Variants in EPHA6 observed in about 807,000 individuals in gnomAD.
The protein encoded by EPHA6 is ephrin type-A receptor 6.
EPHA6 carries 50 observed loss-of-function variants against 112.0 expected under a neutral mutation model. The ratio of observed to expected loss-of-function variants is 0.45; its 90% CI spans 0.36 to 0.56. The LOEUF is 0.56. Ranked by LOEUF, EPHA6 falls within the 20% of genes least tolerant of loss-of-function variation. The pLI is 0.00. For synonymous variants in EPHA6, 529 were observed against 490.7 expected (o/e 1.08, Z -1.03); for missense variants, 1,280 against 1,417.4 (o/e 0.90, Z 1.56).
intron 2 of EPHA6, among the ~76,000 whole-genome samples, chr3:96,966,752 C>T (rs900820578): frequency 1.3e-5 from 2 of 152,030 alleles, no homozygotes; most frequent in African/African-American, 4.8e-5. Context: ...TTTATGCTCA[C>T]ACAAGGAAAG....
chr3:97,529,182 A>G (rs2092666586), intron 10 of EPHA6, among the ~76,000 whole-genome samples: 1 of 152,148 alleles, frequency 6.6e-6, no homozygotes, highest in Admixed American at 6.6e-5. Context: ...AATAATGGTT[A>G]CAAGCATGGA....
chr3:97,158,477 C>G (rs1191225421), intron 3 of EPHA6, among the ~76,000 whole-genome samples: 1 of 152,110 alleles, frequency 6.6e-6, no homozygotes, highest in Non-Finnish European at 1.5e-5. Context: ...AATGATGAGA[C>G]AAGTCTTAAT....
At chr3:97,702,268 T>C (rs2033439016) in intron 14 of EPHA6, among the ~76,000 whole-genome samples, 1 of 152,210 alleles carries the variant, frequency 6.6e-6, no homozygotes, top group African/African-American at 2.4e-5. Context: ...AATAAAGAAC[T>C]TTTTTCTCCT....
At chr3:97,448,376 A>G (rs993018422) in intron 6 of EPHA6, among the ~76,000 whole-genome samples, 192 bp from the exon 7 acceptor site, 1 of 152,176 alleles carries the variant, frequency 6.6e-6, no homozygotes, top group Non-Finnish European at 1.5e-5. Flanking sequence ...AAATTTCCAA[A>G]TAGGACCATA....
chr3:97,149,146 C>A (rs899879006), intron 3 of EPHA6, among the ~76,000 whole-genome samples: 1 of 152,086 alleles, frequency 6.6e-6, no homozygotes. Flanking sequence ...GGCTTGCTTT[C>A]TCTGGCCCAT....
At chr3:97,185,194 C>T (rs1270497970) in intron 3 of EPHA6, among the ~76,000 whole-genome samples, 1 of 152,172 alleles carries the variant, frequency 6.6e-6, no homozygotes, top group East Asian at 1.9e-4. Flanking sequence ...GCAATGGCAA[C>T]AGAAGCCAAA....
At chr3:96,943,732 A>G (rs1156676985) in intron 2 of EPHA6, among the ~76,000 whole-genome samples, 1 of 152,156 alleles carries the variant, frequency 6.6e-6, no homozygotes, top group Non-Finnish European at 1.5e-5. Context: ...GGTGTTGATT[A>G]CTGTAGTCCC....
rs10576183 is a variant in EPHA6 at position 97,701,618 on chromosome 3, G to GTA, written c.2785-18628_2785-18627dup. On this transcript the variant is annotated intron_variant, in intron 14 of 17. Coordinates refer to ENST00000389672, the MANE Select transcript of EPHA6 (RefSeq NM_001080448.3). ...ATCATGGATTATGGGTCATATATAT[G>GTA]TATATATATATATATAATATCATTT... Among the ~76,000 whole-genome samples, 929 of 148,128 alleles carry GTA rather than the reference G, an allele frequency of 6.3e-3. 5 individuals are homozygous for GTA. Among genetic ancestry groups the GTA allele is most frequent in the South Asian group, 0.016 (76 of 4,640 alleles).
chr3:97,178,280 T>A (rs958397559), intron 3 of EPHA6, among the ~76,000 whole-genome samples: 2 of 152,128 alleles, frequency 1.3e-5, no homozygotes, highest in Admixed American at 1.3e-4. Flanking sequence ...TTGTTGTTTC[T>A]ATTTATATCT....
intron 3 of EPHA6, among the ~76,000 whole-genome samples, chr3:97,067,537 AATAT>A (rs10544034): frequency 2.7e-5 from 4 of 148,052 alleles, no homozygotes; most frequent in Admixed American, 1.4e-4. Flanking sequence ...TTATCAGGAA[AATAT>A]ATATATATAT....
At position 97,089,445 on chromosome 3, in the gene EPHA6, G is replaced by A. The variant is rs138775665; in HGVS notation, c.1114+101452G>A. Reference sequence around the variant, plus strand: ...ATTTTTTCTGATGGTGTATCTTTCTGTATTCTTTCTGTAATCTTTCTGATG... The same window carrying A: ...ATTTTTTCTGATGGTGTATCTTTCTATATTCTTTCTGTAATCTTTCTGATG... On this transcript the variant is annotated intron_variant, in intron 3 of 17. Coordinates refer to ENST00000389672, the MANE Select transcript of EPHA6 (RefSeq NM_001080448.3). 2.7e-3 allele frequency among the ~76,000 whole-genome samples: 409 copies of A among 152,040 alleles called. 3 individuals carry two copies. The highest frequency in any genetic ancestry group is 9.1e-3 in the African/African-American group (376 of 41,488).
intron 11 of EPHA6, among the ~76,000 whole-genome samples, chr3:97,577,380 T>C (rs2093396507): frequency 6.6e-6 from 1 of 152,200 alleles, no homozygotes. Context: ...CTATTGAAGA[T>C]GAAATTTTCT....
intron 3 of EPHA6, among the ~76,000 whole-genome samples, chr3:97,145,198 C>T (rs957754818): frequency 6.6e-6 from 1 of 151,178 alleles, no homozygotes; most frequent in African/African-American, 2.4e-5. Flanking sequence ...TAATACATGT[C>T]AAATAAAACT....
intron 14 of EPHA6, among the ~76,000 whole-genome samples, chr3:97,682,761 T>C (rs1282756491): frequency 6.6e-6 from 1 of 152,200 alleles, no homozygotes; most frequent in African/African-American, 2.4e-5. Context: ...TGAAGGGCAC[T>C]GAAAAACTAG....
intron 5 of EPHA6, among the ~76,000 whole-genome samples, chr3:97,314,750 A>C (rs532144784): frequency 6.6e-6 from 1 of 151,846 alleles, no homozygotes; most frequent in South Asian, 2.1e-4. Flanking sequence ...AGGAAGGAAG[A>C]TAGAAGTTAA....
chr3:97,436,747 C>T (rs1176019553), intron 6 of EPHA6, among the ~76,000 whole-genome samples: 1 of 152,174 alleles, frequency 6.6e-6, no homozygotes, highest in Non-Finnish European at 1.5e-5. Flanking sequence ...CTGTTGGAAA[C>T]TCTAGCAACC....
intron 11 of EPHA6, among the ~76,000 whole-genome samples, chr3:97,586,187 A>G (rs1285883901): frequency 2.6e-5 from 4 of 152,210 alleles, no homozygotes; most frequent in Non-Finnish European, 5.9e-5. Flanking sequence ...TGGTCACATT[A>G]GAGGAGACCA....
intron 7 of EPHA6, among the ~76,000 whole-genome samples, chr3:97,461,167 T>G (rs1227591076): frequency 6.6e-6 from 1 of 152,116 alleles, no homozygotes; most frequent in East Asian, 1.9e-4. Flanking sequence ...AGGAAGAACT[T>G]ATACAAGCAG....
intron 3 of EPHA6, among the ~76,000 whole-genome samples, chr3:97,008,341 T>C (rs1004336293): frequency 1.3e-5 from 2 of 152,172 alleles, no homozygotes; most frequent in Non-Finnish European, 2.9e-5. Flanking sequence ...CTGCATGTCT[T>C]ATTTCAGTAA....
Sources: gnomAD v4.1 joint callset for allele counts (sites outside exome capture counted in the v4.1 genomes callset) on GRCh38, gnomAD v4.1.1 for gene constraint, MANE v1.5 for transcripts, NCBI Gene and HGNC (gene_info 2026-07-23, HGNC 2026-07-21) for gene names.